Variants in MYOM2 observed in about 807,000 individuals in gnomAD.
The protein encoded by MYOM2 is myomesin 2, also known as myomesin-2.
A neutral mutation model predicts 187.6 loss-of-function variants in MYOM2; 254 were observed. The ratio of observed to expected loss-of-function variants is 1.35; its 90% CI spans 1.22 to 1.50. The LOEUF (loss-of-function observed/expected upper bound fraction) is 1.50. MYOM2 is among the 40% of genes most tolerant of loss of function. The pLI, the probability that MYOM2 is intolerant of heterozygous loss-of-function variation, is 0.00. For synonymous variants in MYOM2, 981 were observed against 753.8 expected (o/e 1.30, Z -4.94); for missense variants, 2,796 against 1,924.0 (o/e 1.45, Z -8.48).
chr8:2,085,192 G>T (rs924429790), intron 13 of MYOM2, 71 bp from the exon 14 acceptor site: 2 of 1,563,878 alleles, frequency 1.3e-6, no homozygotes, highest in African/African-American at 2.7e-5. Context: ...GAGTCCTCCA[G>T]TGCCCCGAGG....
chr8:2,052,528 C>T (rs928676050), intron 3 of MYOM2, among the ~76,000 whole-genome samples: 1 of 152,200 alleles, frequency 6.6e-6, no homozygotes, highest in Non-Finnish European at 1.5e-5. Context: ...AACTACTGGG[C>T]ACCAGCTTCC....
At chr8:2,112,598 C>T (rs1797104172) in intron 25 of MYOM2, among the ~76,000 whole-genome samples, 1 of 151,960 alleles carries the variant, frequency 6.6e-6, no homozygotes, top group Non-Finnish European at 1.5e-5. Flanking sequence ...CTTTGAATGT[C>T]AGGCAGAAGA....
intron 31 of MYOM2, among the ~76,000 whole-genome samples, chr8:2,128,089 C>T (rs1421096476): frequency 6.6e-6 from 1 of 151,942 alleles, no homozygotes; most frequent in African/African-American, 2.4e-5. Flanking sequence ...AAAATAATTA[C>T]TTATTATTTC....
In MYOM2 at chr8:2,052,281, G is replaced by A. The variant is rs778345982; in HGVS notation, c.231G>A (p.Thr77=). 25 of 1,607,410 alleles carry A rather than the reference G, an allele frequency of 1.6e-5. No individual in the cohort carries two copies. The highest frequency in any genetic ancestry group is 4.5e-5 in the South Asian group (4 of 89,880). ...ICRVCAKRVS[T]QEDEEQENRS... is the part of the protein sequence containing the mutation. ...GGGTCTGTGCGAAGCGAGTGAGCAC[G>A]CAGGAAGATGAGGAGCAGGAGAACA... Residue 77 remains threonine, a synonymous_variant, in exon 3 of 37, where the codon ACG becomes ACA. Transcript: ENST00000262113.
At chr8:2,142,251 A>T in intron 34 of MYOM2, 124 bp from the exon 35 acceptor site, 1 of 966,446 alleles carries the variant, frequency 1.0e-6, no homozygotes, top group Non-Finnish European at 1.7e-6. Flanking sequence ...TTCTAAGAGA[A>T]TGCAAACGTA....
intron 25 of MYOM2, among the ~76,000 whole-genome samples, chr8:2,110,848 A>T (rs376891593): frequency 1.3e-5 from 2 of 151,980 alleles, no homozygotes; most frequent in African/African-American, 4.8e-5. Flanking sequence ...GAAGTCTTGC[A>T]GGTAAGGATC....
intron 17 of MYOM2, 148 bp downstream of exon 17, chr8:2,094,239 C>T: frequency 2.0e-6 from 2 of 1,023,778 alleles, no homozygotes; most frequent in Non-Finnish European, 2.8e-6. Flanking sequence ...TCTTTGAAGC[C>T]TCTCGGTTGG....
At position 2,068,466 on chromosome 8, in the gene MYOM2, G is replaced by C. The variant is rs189291458; in HGVS notation, c.654-812G>C. ...TCAATGCCCGTGTGCACCAGGCGGA[G>C]AGCATCCCGTGGGCAGCTCTTCAAT... On this transcript the variant is annotated intron_variant, in intron 6 of 36. Transcript: ENST00000262113. Among the ~76,000 whole-genome samples the C allele has an allele frequency of 1.5e-3, 225 of 149,168 alleles. 1 individual carries two copies. Among genetic ancestry groups the C allele is most frequent in the Non-Finnish European group, 1.1e-3 (75 of 67,556 alleles).
At chr8:2,088,637 G>A (rs927472678) in intron 14 of MYOM2, among the ~76,000 whole-genome samples, 1 of 152,216 alleles carries the variant, frequency 6.6e-6, no homozygotes, top group Non-Finnish European at 1.5e-5. Context: ...ATTCCATGGT[G>A]TGGGGGCACC....
At position 2,049,007 on chromosome 8, in the gene MYOM2, A is replaced by G. The variant is rs1196809547; in HGVS notation, c.-12-1748A>G. ...GGGGTTTCACCATCTTAGCCAGGGT[A>G]GTCTCAATCTCCTGACCTCGTGATC... On this transcript the variant is annotated intron_variant, in intron 1 of 36. Transcript: ENST00000262113. Among the ~76,000 whole-genome samples the G allele has an allele frequency of 4.6e-5, 7 of 151,850 alleles. No individual in the cohort carries two copies. In the South Asian group the frequency reaches 6.2e-4, roughly 14 times the overall value.
Position 2,142,330 on chromosome 8 carries a change from A to G in MYOM2, c.4002-45A>G, listed in dbSNP as rs199741930. ...TGCATTTTGTTGGAAGCATTTTCTC[A>G]TACTCTCTTTTCATTCTCTCCTTTC... On this transcript the variant is annotated intron_variant, in intron 34 of 36. Transcript: ENST00000262113. The G allele has an allele frequency of 1.3e-5, 21 of 1,598,662 alleles. No individual in the cohort carries two copies. The South Asian group carries it at 2.2e-4, about 17-fold the overall frequency.
intron 31 of MYOM2, among the ~76,000 whole-genome samples, chr8:2,125,142 T>C (rs1797592428): frequency 6.6e-6 from 1 of 152,356 alleles, no homozygotes; most frequent in Non-Finnish European, 1.5e-5. Context: ...TTTGATGTCC[T>C]ATCCAAGCGA....
chr8:2,138,123 T>C (rs1042083936), intron 32 of MYOM2, among the ~76,000 whole-genome samples: 1 of 152,220 alleles, frequency 6.6e-6, no homozygotes, highest in African/African-American at 2.4e-5. Context: ...TGCTGTGAGC[T>C]CACAGGACGG....
chr8:2,055,463 C>G (rs1818632348), intron 3 of MYOM2, among the ~76,000 whole-genome samples: 1 of 152,072 alleles, frequency 6.6e-6, no homozygotes. Flanking sequence ...TGGCTGAGGC[C>G]CAAACAGACT....
At position 2,126,455 on chromosome 8, in the gene MYOM2, C is replaced by G. The variant is rs530339138; in HGVS notation, c.3694+2238C>G. Reference sequence around the variant, plus strand: ...CACACACTGACACACACCAGTGTACCCACACCCTACACACTCACACACTCA... The same window carrying G: ...CACACACTGACACACACCAGTGTACGCACACCCTACACACTCACACACTCA... On this transcript the variant is annotated intron_variant, in intron 31 of 36. Coordinates refer to ENST00000262113, the MANE Select transcript of MYOM2 (RefSeq NM_003970.4). 4.5e-3 allele frequency among the ~76,000 whole-genome samples: 680 copies of G among 152,178 alleles called. 3 individuals carry two copies. Among genetic ancestry groups the G allele is most frequent in the Non-Finnish European group, 7.3e-3 (496 of 68,004 alleles).
intron 3 of MYOM2, among the ~76,000 whole-genome samples, chr8:2,053,601 G>C (rs960888634): frequency 5.3e-5 from 8 of 152,224 alleles, no homozygotes; most frequent in Non-Finnish European, 1.2e-4. Context: ...TTTCAAGACA[G>C]CCTTGGCTGC....
At chr8:2,072,606 C>T (rs1819271526) in intron 9 of MYOM2, 97 bp downstream of exon 9, 1 of 1,405,252 alleles carries the variant, frequency 7.1e-7, no homozygotes, top group South Asian at 1.4e-5. Context: ...TTGTCTCTAC[C>T]ACTGGGTCAG....
chr8:2,134,277 C>T (rs1797981402), intron 32 of MYOM2, among the ~76,000 whole-genome samples: 1 of 152,068 alleles, frequency 6.6e-6, no homozygotes, highest in Non-Finnish European at 1.5e-5. Context: ...GGCCTGGGTG[C>T]CTTGAAGCCT....
intron 3 of MYOM2, among the ~76,000 whole-genome samples, chr8:2,056,695 T>C (rs1299656567): frequency 6.6e-6 from 1 of 152,216 alleles, no homozygotes; most frequent in Non-Finnish European, 1.5e-5. Context: ...TTTTATTTGC[T>C]GCCCTGCAGA....
Sources: allele counts gnomAD v4.1 joint callset (sites outside exome capture counted in the v4.1 genomes callset), GRCh38; gene constraint gnomAD v4.1.1; transcripts MANE v1.5; gene names NCBI Gene and HGNC (gene_info 2026-07-23, HGNC 2026-07-21).